ADAMTS7: variants seen among roughly 807,000 people sequenced by gnomAD.
ADAMTS7 encodes the protein ADAM metallopeptidase with thrombospondin type 1 motif 7.
Under a neutral mutation model 172.6 loss-of-function variants are expected in ADAMTS7, and 89 were observed. The observed-to-expected ratio is 0.52, with a 90% CI of 0.43 to 0.61. The LOEUF is 0.61. Ranked by LOEUF, ADAMTS7 falls within the 20% of genes least tolerant of loss-of-function variation. The pLI is 0.00. For synonymous variants in ADAMTS7, 885 were observed against 978.4 expected, an observed-to-expected ratio of 0.90 and a Z score of 1.78; for missense variants, 1,973 against 2,355.6, an observed-to-expected ratio of 0.84 and a Z score of 3.36.
At position 78,764,551 on chromosome 15, in the gene ADAMTS7, G is replaced by A. The variant is rs753630568; in HGVS notation, c.4419+4C>T. The A allele has an allele frequency of 1.0e-5, 16 of 1,544,952 alleles. No homozygotes were observed. Among genetic ancestry groups the A allele is most frequent in the East Asian group, 9.5e-5 (4 of 41,926 alleles). On this transcript the variant is annotated splice_donor_region_variant and intron_variant, in intron 20 of 23. Coordinates refer to ENST00000388820, the MANE Select transcript of ADAMTS7 (RefSeq NM_014272.5). The stretch of plus-strand genomic sequence containing the variant: ...ATGCCTGTCCTGGCTCCATCCTCAC[G>A]CACCTTACTCCAGTTGCCTGAGTGC...
At position 78,762,611 on chromosome 15, in the gene ADAMTS7, G is replaced by A. The variant is rs754036271; in HGVS notation, c.4741-46C>T. On this transcript the variant is annotated intron_variant, in intron 22 of 23. Coordinates refer to ENST00000388820, the MANE Select transcript of ADAMTS7 (RefSeq NM_014272.5). ...ATGAGTGTCTCCAGGGCCAGCCCTAGCAGTGGGGGCAGGGACACCTCCTCT... is the reference window on the plus strand; with the variant it reads ...ATGAGTGTCTCCAGGGCCAGCCCTAACAGTGGGGGCAGGGACACCTCCTCT... The A allele has an allele frequency of 1.9e-5, 23 of 1,226,504 alleles. 1 individual carries two copies. The highest frequency in any genetic ancestry group is 2.9e-5 in the Admixed American group (1 of 34,662). The allele number at this position is 1,226,504 out of a possible 1,614,324, so 76.0% of individuals were successfully genotyped here. A position where few individuals can be genotyped will look rare whatever the true frequency, so the allele number is the denominator to read the frequency against.
rs377763034 is a variant in ADAMTS7, at chr15:78,777,564, G to A, written c.1347C>T (p.Asp449=). 123 of 1,606,934 alleles carry A rather than the reference G, an allele frequency of 7.7e-5. No homozygotes were observed. The highest frequency in any genetic ancestry group is 4.9e-4 in the Middle Eastern group (3 of 6,074). The part of the protein sequence containing the change: ...FLDRGWGLCL[D]DPPAKDIIDF... The stretch of plus-strand genomic sequence containing the variant: ...CGATAATGTCCTTGGCAGGAGGGTC[G>A]TCCAGGCACAGGCCCCACCCACGGC... Residue 449 remains aspartate (D), a synonymous_variant, in exon 9 of 24, where the codon GAC becomes GAT. Transcript: ENST00000388820.
Position 78,788,267 on chromosome 15 carries a change from G to A in ADAMTS7, c.1286C>T (p.Ser429Phe). The change falls in exon 8 of 24, where the codon TCC becomes TTC. Residue 429 changes from serine to phenylalanine, a missense_variant. Ser to Phe is a radical substitution (Grantham distance 155). Transcript: ENST00000388820. ...LLYDAAPLTW[S>F]RCSRQYITRF... ...GGTGATATACTGGCGGCTGCAGCGG[G>A]ACCAGGTGAGGGGAGCGGCGTCGTA... 1 of 1,613,820 alleles carries A rather than the reference G, an allele frequency of 6.2e-7. No homozygotes were observed. Among genetic ancestry groups the A allele is most frequent in the East Asian group, 2.2e-5 (1 of 44,884 alleles).
chr15:78,787,588 C>T (rs1390009654), intron 8 of ADAMTS7, among the ~76,000 whole-genome samples: 1 of 152,098 alleles, frequency 6.6e-6, no homozygotes, highest in African/African-American at 2.4e-5. Context: ...CGCTTGAACC[C>T]GGGAGGCGGA....
intron 1 of ADAMTS7, among the ~76,000 whole-genome samples, chr15:78,800,992 C>T (rs1478786165): frequency 6.6e-6 from 1 of 152,136 alleles, no homozygotes; most frequent in Non-Finnish European, 1.5e-5. Flanking sequence ...ACGCTCGCCT[C>T]GGCCTCCCAA....
intron 8 of ADAMTS7, among the ~76,000 whole-genome samples, chr15:78,784,737 C>G (rs2055478487): frequency 6.6e-6 from 1 of 152,026 alleles, no homozygotes; most frequent in Non-Finnish European, 1.5e-5. Context: ...AGGTCACATT[C>G]AAATCACAAT....
chr15:78,798,238 A>AGT, intron 2 of ADAMTS7, 125 bp from the exon 3 acceptor site: 1 of 884,494 alleles, frequency 1.1e-6, no homozygotes, highest in Non-Finnish European at 1.6e-6. Context: ...CTGCCCGCGG[A>AGT]CACACTGTAC....
chr15:78,791,729 T>C (rs2055583718), intron 4 of ADAMTS7, among the ~76,000 whole-genome samples: 1 of 151,788 alleles, frequency 6.6e-6, no homozygotes, highest in African/African-American at 2.4e-5. Context: ...GCTCAGAGGG[T>C]AGAGTGAGGG....
At chr15:78,791,268 T>C (rs1485030417) in intron 4 of ADAMTS7, 45 bp from the exon 5 acceptor site, 1 of 1,573,028 alleles carries the variant, frequency 6.4e-7, no homozygotes. Flanking sequence ...GGATGAAGGA[T>C]ACAAGCAGCC....
chr15:78,761,745 CGTGTGT>C (rs370660719), intron 23 of ADAMTS7, among the ~76,000 whole-genome samples: 1 of 150,838 alleles, frequency 6.6e-6, no homozygotes. Flanking sequence ...TGTGTGTTGG[CGTGTGT>C]GTGTGTGTGC....
chr15:78,773,833 C>CA (rs1365324865), intron 13 of ADAMTS7, among the ~76,000 whole-genome samples: 1 of 152,224 alleles, frequency 6.6e-6, no homozygotes, highest in Non-Finnish European at 1.5e-5. Flanking sequence ...AGCAAGAGGT[C>CA]AAGCCACTGC....
At position 78,759,462 on chromosome 15, in the gene ADAMTS7, C is replaced by T. The variant is rs756708848; in HGVS notation, c.5020G>A (p.Gly1674Ser). 4.8e-5 allele frequency: 77 copies of T among 1,595,902 alleles called. No homozygotes were observed. The highest frequency in any genetic ancestry group is 5.9e-5 in the Non-Finnish European group (70 of 1,177,004). The change falls in exon 24 of 24, where the codon GGC becomes AGC. Residue 1674 changes from glycine (G) to serine (S), a missense_variant. Gly to Ser is a moderately conservative substitution (Grantham distance 56). Transcript: ENST00000388820. ...CGCTGATGGCCTCGGGAGGGGGCGC[C>T]GTGGCTGGGCGGAGAGCACGAGCGG... ...CCRSCSPPSH[G>S]APSRGHQRVA...
chr15:78,801,101 G>C (rs748330944), intron 1 of ADAMTS7, among the ~76,000 whole-genome samples: 2 of 152,152 alleles, frequency 1.3e-5, no homozygotes, highest in Non-Finnish European at 2.9e-5. Context: ...TACCCCAGGT[G>C]CCCCTCCCCT....
Position 78,764,187 on chromosome 15 carries a change from A to G in ADAMTS7, c.4420-88T>C. The G allele has an allele frequency of 1.4e-5, 17 of 1,252,818 alleles. No homozygotes were observed. The South Asian group carries it at 2.7e-4, about 20-fold the overall frequency. The allele number at this position is 1,252,818 out of a possible 1,614,324, so 77.6% of individuals were successfully genotyped here. ...GAGGTGTGTGGCGGGAAAGGCATCC[A>G]GGCCCACGCCCCAGCCCGGGGGAAT... On this transcript the variant is annotated intron_variant, in intron 20 of 23. Transcript: ENST00000388820.
chr15:78,762,417 G>A lies in ADAMTS7; in HGVS notation c.4889C>T (p.Pro1630Leu), dbSNP rs1357492052. Reference protein sequence around the residue: ...SRPCGTEDCEPVEPPRCERDR... With the variant: ...SRPCGTEDCELVEPPRCERDR... ...AGGGGACTCACGGGGAGGCTCGACG[G>A]GCTCACAATCCTCGGTGCCACACGG... The change falls in exon 23 of 24, where the codon CCC becomes CTC. Residue 1630 changes from proline to leucine, a missense_variant. Physicochemically the swap from Pro to Leu is moderately conservative, Grantham distance 98. Coordinates refer to ENST00000388820, the MANE Select transcript of ADAMTS7 (RefSeq NM_014272.5). The A allele has an allele frequency of 6.7e-7, 1 of 1,496,080 alleles. No individual in the cohort carries two copies. 92.7% of individuals were successfully genotyped at this position (1,496,080 alleles called of 1,614,324 possible). A position where few individuals can be genotyped will look rare whatever the true frequency, so the allele number is the denominator to read the frequency against.
At chr15:78,793,337 C>T (rs972381694) in intron 4 of ADAMTS7, among the ~76,000 whole-genome samples, 10 of 149,864 alleles carry the variant, frequency 6.7e-5, no homozygotes, top group East Asian at 5.8e-4. Flanking sequence ...CCTGTAGTAA[C>T]GAAGTCTGTT....
chr15:78,792,833 A>G (rs895910426), intron 4 of ADAMTS7, among the ~76,000 whole-genome samples: 1 of 152,030 alleles, frequency 6.6e-6, no homozygotes, highest in Non-Finnish European at 1.5e-5. Flanking sequence ...GAAAGAAAGA[A>G]AGAGAGAAAG....
chr15:78,759,625 C>T (rs754883851), intron 23 of ADAMTS7, 47 bp from the exon 24 acceptor site: 21 of 1,506,730 alleles, frequency 1.4e-5, no homozygotes, highest in Admixed American at 2.0e-5. Flanking sequence ...GCTTGGGGTA[C>T]CCAGAACCTG....
At chr15:78,759,807 G>A (rs1050846022) in intron 23 of ADAMTS7, among the ~76,000 whole-genome samples, 20 of 152,302 alleles carry the variant, frequency 1.3e-4, no homozygotes, top group East Asian at 7.7e-4. Context: ...GCTGGGCTGA[G>A]GTTTCTGGAG....
Sources: gnomAD v4.1 joint callset for allele counts (sites outside exome capture counted in the v4.1 genomes callset) on GRCh38, gnomAD v4.1.1 for gene constraint, MANE v1.5 for transcripts, NCBI Gene and HGNC (gene_info 2026-07-23, HGNC 2026-07-21) for gene names.